FBXO21: variants seen among roughly 807,000 people sequenced by gnomAD.
FBXO21 encodes F-box protein 21.
In FBXO21, 32 loss-of-function variants were observed where a neutral mutation model predicts 76.6. The observed-to-expected ratio is 0.42, with a 90% CI of 0.32 to 0.56. The LOEUF (loss-of-function observed/expected upper bound fraction) is 0.56, where lower values mean the gene tolerates loss of function less well. FBXO21 is among the 20% of genes least tolerant of loss of function. FBXO21 has a pLI of 0.16. For missense variants in FBXO21, 586 were observed against 797.3 expected (o/e 0.73, Z 3.19); for synonymous variants, 328 against 311.5 (o/e 1.05, Z -0.56).
chr12:117,163,628 T>C (rs981701761), intron 9 of FBXO21, among the ~76,000 whole-genome samples: 5 of 151,732 alleles, frequency 3.3e-5, no homozygotes, highest in Non-Finnish European at 7.4e-5. Flanking sequence ...AAAAAGTGTA[T>C]ATATATCCTG....
At chr12:117,160,837 T>C (rs924019750) in intron 9 of FBXO21, among the ~76,000 whole-genome samples, 12 of 152,198 alleles carry the variant, frequency 7.9e-5, no homozygotes, top group African/African-American at 2.7e-4. Context: ...TTTTGTCATG[T>C]TGCTCAAGTT....
rs2135888869 is a variant in FBXO21, at chr12:117,186,675, T to C, written c.376-104A>G. The C allele has an allele frequency of 7.3e-6, 5 of 682,352 alleles. No individual in the cohort carries two copies. The South Asian group carries it at 8.9e-5, about 12-fold the overall frequency. 42.3% of individuals were successfully genotyped at this position (682,352 alleles called of 1,614,324 possible). A position where few individuals can be genotyped will look rare whatever the true frequency, so the allele number is the denominator to read the frequency against. Reference sequence around the variant, plus strand: ...TAAAGATGTCCACTACTAAAGACAGTGCTAACAGTTATTCTACACTACCTT... The same window carrying C: ...TAAAGATGTCCACTACTAAAGACAGCGCTAACAGTTATTCTACACTACCTT... On this transcript the variant is annotated intron_variant, in intron 2 of 11. Coordinates refer to ENST00000622495, the MANE Select transcript of FBXO21 (RefSeq NM_015002.3).
intron 1 of FBXO21, 146 bp from the exon 2 acceptor site, chr12:117,189,508 G>A: frequency 1.3e-6 from 1 of 743,390 alleles, no homozygotes. Flanking sequence ...AACCCCACCA[G>A]CATTCACTCA....
chr12:117,156,280 G>C (rs908901871), intron 10 of FBXO21, among the ~76,000 whole-genome samples: 3 of 152,142 alleles, frequency 2.0e-5, no homozygotes, highest in Non-Finnish European at 4.4e-5. Flanking sequence ...TTCTAAAATA[G>C]AAAGTATCTT....
At chr12:117,168,647 A>G (rs1261388526) in intron 7 of FBXO21, among the ~76,000 whole-genome samples, 3 of 152,234 alleles carry the variant, frequency 2.0e-5, no homozygotes, top group African/African-American at 7.2e-5. Context: ...GAACTTCCTA[A>G]GGACAAATGT....
chr12:117,190,440 A>C lies in FBXO21; in HGVS notation c.17T>G (p.Val6Gly). 1 of 1,391,182 alleles carries C rather than the reference A, an allele frequency of 7.2e-7. No individual in the cohort carries two copies. The highest frequency in any genetic ancestry group is 9.6e-7 in the Non-Finnish European group (1 of 1,043,552). 86.2% of individuals were successfully genotyped at this position (1,391,182 alleles called of 1,614,324 possible). Residue 6 changes from valine (V) to glycine (G), a missense_variant, in exon 1 of 12, where the codon GTC becomes GGC. Around this residue, in one of 6 missense-constraint regions of FBXO21, gnomAD observed 152 missense variants for 127.2 expected, o/e 1.19. Transcript: ENST00000622495. MAAAA[V>G]DSAMEVVPAL... ...CGGCACCACCTCCATCGCGCTGTCGACTGCTGCCGCCGCCATCTTGTCCGC... is the reference window on the plus strand; with the variant it reads ...CGGCACCACCTCCATCGCGCTGTCGCCTGCTGCCGCCGCCATCTTGTCCGC...
At chr12:117,166,024 T>C (rs1956049726) in intron 8 of FBXO21, among the ~76,000 whole-genome samples, 1 of 152,032 alleles carries the variant, frequency 6.6e-6, no homozygotes. Flanking sequence ...ACCCCGTCTC[T>C]ACTAAAAATA....
chr12:117,168,500 G>T (rs928747318), intron 7 of FBXO21, among the ~76,000 whole-genome samples: 2 of 151,502 alleles, frequency 1.3e-5, no homozygotes, highest in African/African-American at 4.9e-5. Context: ...CTCCAGCCTG[G>T]GTGACAAAGT....
In FBXO21 at chr12:117,181,064, A is replaced by G. The variant is rs188239446; in HGVS notation, c.471-3423T>C. Among the ~76,000 whole-genome samples the G allele has an allele frequency of 2.9e-3, 449 of 152,340 alleles. 2 individuals carry two copies. Among genetic ancestry groups the G allele is most frequent in the Admixed American group, 8.6e-3 (131 of 15,310 alleles). On this transcript the variant is annotated intron_variant, in intron 3 of 11. Transcript: ENST00000622495. Reference sequence around the variant, plus strand: ...TTTCTCCCCTAGAGCCCTCATTTGAATTTAAATCTAAAAATAAATACATGT... The same window carrying G: ...TTTCTCCCCTAGAGCCCTCATTTGAGTTTAAATCTAAAAATAAATACATGT...
intron 3 of FBXO21, among the ~76,000 whole-genome samples, chr12:117,179,491 T>C (rs1053541996): frequency 6.6e-6 from 1 of 152,186 alleles, no homozygotes; most frequent in African/African-American, 2.4e-5. Context: ...TTGAAGAACC[T>C]GGGTTGTTTG....
intron 9 of FBXO21, among the ~76,000 whole-genome samples, chr12:117,158,892 G>A (rs553005976): frequency 2.0e-5 from 3 of 152,098 alleles, no homozygotes; most frequent in Non-Finnish European, 2.9e-5. Flanking sequence ...CAATTATTTC[G>A]CACCCATTAC....
At chr12:117,150,684 C>T (rs1010373263) in intron 11 of FBXO21, among the ~76,000 whole-genome samples, 18 of 152,206 alleles carry the variant, frequency 1.2e-4, no homozygotes, top group African/African-American at 4.1e-4. Flanking sequence ...TCCTTGTACA[C>T]GTGTGGAGGG....
At chr12:117,179,301 G>A (rs548993972) in intron 3 of FBXO21, among the ~76,000 whole-genome samples, 7 of 152,098 alleles carry the variant, frequency 4.6e-5, no homozygotes, top group South Asian at 2.1e-4. Context: ...GAAGCCCTCC[G>A]GGGCCCCCCG....
chr12:117,160,770 C>T (rs1191491630), intron 9 of FBXO21, among the ~76,000 whole-genome samples: 2 of 152,272 alleles, frequency 1.3e-5, no homozygotes, highest in East Asian at 1.9e-4. Flanking sequence ...GCTGGGACTA[C>T]AGGCACATGC....
intron 7 of FBXO21, among the ~76,000 whole-genome samples, chr12:117,172,083 A>G (rs1036033780): frequency 1.3e-5 from 2 of 152,198 alleles, no homozygotes; most frequent in African/African-American, 4.8e-5. Context: ...AAAAGAAATA[A>G]TTTTTTTAAG....
At chr12:117,164,692 A>G (rs903307492) in intron 9 of FBXO21, among the ~76,000 whole-genome samples, 1 of 152,202 alleles carries the variant, frequency 6.6e-6, no homozygotes, top group African/African-American at 2.4e-5. Flanking sequence ...AGCAATGTAG[A>G]GTCACTTGTA....
chr12:117,188,555 A>T (rs1021861991), intron 2 of FBXO21, among the ~76,000 whole-genome samples: 13 of 152,084 alleles, frequency 8.5e-5, no homozygotes, highest in African/African-American at 2.9e-4. Flanking sequence ...AAAAAAAGAA[A>T]AAAGAAAGAA....
intron 7 of FBXO21, among the ~76,000 whole-genome samples, chr12:117,170,794 T>C (rs920248403): frequency 1.3e-5 from 2 of 152,252 alleles, no homozygotes; most frequent in African/African-American, 4.8e-5. Context: ...AATTGGTGTC[T>C]TAAATGTTTT....
chr12:117,145,929 C>T lies in FBXO21; in HGVS notation c.*158G>A, dbSNP rs771398032. The T allele has an allele frequency of 5.8e-5, 31 of 530,434 alleles. No individual in the cohort carries two copies. Among genetic ancestry groups the T allele is most frequent in the Non-Finnish European group, 9.5e-5 (29 of 304,326 alleles). 32.9% of individuals were successfully genotyped at this position (530,434 alleles called of 1,614,324 possible). A position where few individuals can be genotyped will look rare whatever the true frequency, so the allele number is the denominator to read the frequency against. On this transcript the variant is annotated 3_prime_UTR_variant, in exon 12 of 12. Coordinates refer to ENST00000622495, the MANE Select transcript of FBXO21 (RefSeq NM_015002.3). ...TTGTCTTTGCAGCTGGGGAAGAGCA[C>T]ACGGTATTTAAACTTAGTAGGAGGC...
Sources: gnomAD v4.1 joint callset for allele counts (sites outside exome capture counted in the v4.1 genomes callset) on GRCh38, gnomAD v4.1.1 for gene constraint, gnomAD v4.1.1 regional missense constraint, MANE v1.5 for transcripts, NCBI Gene and HGNC (gene_info 2026-07-23, HGNC 2026-07-21) for gene names.